The following HMCN1 variants were observed in gnomAD, a reference collection of about 807,000 sequenced individuals.
HMCN1 encodes hemicentin-1.
In HMCN1, 321 loss-of-function variants were observed where a neutral mutation model predicts 625.9. The ratio of observed to expected loss-of-function variants is 0.51; its 90% CI spans 0.47 to 0.56. The LOEUF (loss-of-function observed/expected upper bound fraction) is 0.56, where lower values mean the gene tolerates loss of function less well. Among genes scored for constraint, HMCN1 ranks in the 20% least tolerant of loss-of-function variants. HMCN1 has a pLI of 0.00. For missense variants in HMCN1, 6,588 were observed against 6,887.3 expected (o/e 0.96, Z 1.54); for synonymous variants, 2,425 against 2,417.6 (o/e 1.00, Z -0.09).
chr1:185,943,960 T>TA (rs758091190), intron 11 of HMCN1, among the ~76,000 whole-genome samples: 1 of 152,174 alleles, frequency 6.6e-6, no homozygotes, highest in African/African-American at 2.4e-5. Context: ...AGACCAGATA[T>TA]ATGTTTTTTA....
chr1:186,035,730 A>G (rs999624473), intron 36 of HMCN1, among the ~76,000 whole-genome samples: 5 of 152,074 alleles, frequency 3.3e-5, no homozygotes, highest in Non-Finnish European at 5.9e-5. Context: ...TTATAGCTTT[A>G]TTAAATTGTG....
At chr1:185,947,318 A>G (rs1401240417) in intron 11 of HMCN1, among the ~76,000 whole-genome samples, 2 of 152,220 alleles carry the variant, frequency 1.3e-5, no homozygotes, top group East Asian at 1.9e-4. Flanking sequence ...AAATATGGCT[A>G]GTGTACCCAA....
chr1:185,842,267 T>G (rs1239124907), intron 1 of HMCN1, among the ~76,000 whole-genome samples: 2 of 152,156 alleles, frequency 1.3e-5, no homozygotes, highest in East Asian at 1.9e-4. Flanking sequence ...TTAAATAGAT[T>G]TGAGAGGCAA....
At chr1:185,917,937 T>C (rs948043124) in intron 6 of HMCN1, among the ~76,000 whole-genome samples, 4 of 152,154 alleles carry the variant, frequency 2.6e-5, no homozygotes, top group African/African-American at 9.7e-5. Flanking sequence ...AAACCTAGAC[T>C]CTGGTTCACT....
chr1:185,996,621 G>C (rs761078372), intron 24 of HMCN1, among the ~76,000 whole-genome samples: 1 of 152,138 alleles, frequency 6.6e-6, no homozygotes, highest in Non-Finnish European at 1.5e-5. Context: ...AACTGGTATA[G>C]ACTATTGTAG....
chr1:185,763,960 A>G (rs907265742), intron 1 of HMCN1, among the ~76,000 whole-genome samples: 2 of 152,208 alleles, frequency 1.3e-5, no homozygotes, highest in African/African-American at 4.8e-5. Context: ...TGTTCAGGTC[A>G]AAAAGAGAAA....
At chr1:185,942,083 C>T (rs891730498) in intron 11 of HMCN1, among the ~76,000 whole-genome samples, 2 of 149,936 alleles carry the variant, frequency 1.3e-5, no homozygotes, top group Admixed American at 6.7e-5. Flanking sequence ...CCCAGCTACT[C>T]GGGAGGATGA....
chr1:185,927,829 A>AT (rs1667352742), intron 9 of HMCN1, among the ~76,000 whole-genome samples: 1 of 152,144 alleles, frequency 6.6e-6, no homozygotes, highest in Non-Finnish European at 1.5e-5. Flanking sequence ...GATAATGCCT[A>AT]TTTTTGTAGA....
intron 68 of HMCN1, among the ~76,000 whole-genome samples, chr1:186,102,267 G>T (rs973506722): frequency 2.6e-5 from 4 of 152,104 alleles, no homozygotes; most frequent in African/African-American, 9.7e-5. Flanking sequence ...AAGAGGTCAT[G>T]TGGGACAGTG....
At chr1:185,952,098 G>GAT (rs1176018446) in intron 11 of HMCN1, among the ~76,000 whole-genome samples, 1 of 151,834 alleles carries the variant, frequency 6.6e-6, no homozygotes, top group East Asian at 1.9e-4. Flanking sequence ...AACTGGGCTG[G>GAT]ATTTTTATAT....
intron 1 of HMCN1, among the ~76,000 whole-genome samples, chr1:185,736,022 C>A (rs374548907): frequency 2.0e-5 from 3 of 152,330 alleles, no homozygotes; most frequent in East Asian, 1.9e-4. Flanking sequence ...ACTAGAAGAA[C>A]TTGACACAAC....
At chr1:185,900,533 C>A (rs975006220) in intron 4 of HMCN1, among the ~76,000 whole-genome samples, 6 of 151,920 alleles carry the variant, frequency 3.9e-5, no homozygotes, top group African/African-American at 1.4e-4. Flanking sequence ...TAATTTTAGT[C>A]CACATAGATG....
chr1:186,151,716 A>G lies in HMCN1; in HGVS notation c.14869A>G (p.Arg4957Gly), dbSNP rs1378330266. 1 of 1,613,730 alleles carries G rather than the reference A, an allele frequency of 6.2e-7. No homozygotes were observed. Among genetic ancestry groups the G allele is most frequent in the African/African-American group, 1.3e-5 (1 of 75,052 alleles). The change falls in exon 95 of 107, where the codon AGA (arginine) becomes GGA (glycine). Residue 4957 changes from arginine (R) to glycine (G), a missense_variant. Physicochemically the swap from Arg to Gly is moderately radical, Grantham distance 125 (BLOSUM62 -2). Transcript: ENST00000271588. Reference sequence around the variant, plus strand: ...TACCCTCACCAATGCAGTCTTCAAAAGAGAAACTCAAGTGGAATTTGCAAC... The same window carrying G: ...TACCCTCACCAATGCAGTCTTCAAAGGAGAAACTCAAGTGGAATTTGCAAC... ...GFTLTNAVFK[R>G]ETQVEFATGE...
At chr1:185,918,584 A>G (rs1558064333) in intron 6 of HMCN1, among the ~76,000 whole-genome samples, 1 of 152,126 alleles carries the variant, frequency 6.6e-6, no homozygotes, top group South Asian at 2.1e-4. Flanking sequence ...TCAAGCTGAT[A>G]CCTAATTTTA....
At chr1:185,842,927 G>C (rs1661574459) in intron 1 of HMCN1, among the ~76,000 whole-genome samples, 2 of 152,012 alleles carry the variant, frequency 1.3e-5, no homozygotes, top group East Asian at 3.9e-4. Flanking sequence ...AGCTGCATAG[G>C]TCACTCAGCA....
chr1:186,068,798 G>C (rs1352605001), intron 50 of HMCN1, among the ~76,000 whole-genome samples: 1 of 149,842 alleles, frequency 6.7e-6, no homozygotes, highest in Non-Finnish European at 1.5e-5. Flanking sequence ...GAACCTAGGA[G>C]GCGGAGGTTG....
At position 186,147,667 on chromosome 1, in the gene HMCN1, A is replaced by T. The variant is rs74378984; in HGVS notation, c.14608+1744A>T. Among the ~76,000 whole-genome samples, 19 of 152,344 alleles carry T rather than the reference A, an allele frequency of 1.2e-4. 1 individual carries two copies. The East Asian group carries it at 3.7e-3, about 29-fold the overall frequency. On this transcript the variant is annotated intron_variant, in intron 93 of 106. Coordinates refer to ENST00000271588, the MANE Select transcript of HMCN1 (RefSeq NM_031935.3). ...AGTGAATATTGCAACAGAGCAAGGC[A>T]CATGAATGTTTTGGTGCATATAGGA...
In HMCN1 at chr1:185,847,321, T is replaced by C. The variant is rs988507484; in HGVS notation, c.339+1225T>C. On this transcript the variant is annotated intron_variant, in intron 2 of 106. Coordinates refer to ENST00000271588, the MANE Select transcript of HMCN1 (RefSeq NM_031935.3). ...TCTGGTGAATTCATAGCCACCTAAC[T>C]CAAATGGACTCTTAATACTCCCATG... is the stretch of plus-strand genomic sequence containing the variant. Among the ~76,000 whole-genome samples, 3 of 152,288 alleles carry C rather than the reference T, an allele frequency of 2.0e-5. No individual in the cohort carries two copies. In the East Asian group the frequency reaches 5.8e-4, roughly 29 times the overall value.
intron 1 of HMCN1, among the ~76,000 whole-genome samples, chr1:185,789,317 T>A (rs562703858): frequency 1.3e-5 from 2 of 152,278 alleles, no homozygotes; most frequent in South Asian, 4.1e-4. Flanking sequence ...AGGTGGTTCG[T>A]GAGCACTCAC....
Sources: allele counts gnomAD v4.1 joint callset (sites outside exome capture counted in the v4.1 genomes callset), GRCh38; gene constraint gnomAD v4.1.1; transcripts MANE v1.5; gene names NCBI Gene and HGNC (gene_info 2026-07-23, HGNC 2026-07-21).